Variants in PTPN2 observed in about 807,000 individuals in gnomAD.
The protein encoded by PTPN2 is protein tyrosine phosphatase non-receptor type 2.
In PTPN2, 19 loss-of-function variants were observed where a neutral mutation model predicts 57.3. That is an observed-to-expected ratio of 0.33 (90% CI 0.23 to 0.49). The LOEUF is 0.49. Ranked by LOEUF, PTPN2 falls within the 20% of genes least tolerant of loss-of-function variation. The pLI is 0.99. For missense variants in PTPN2, 358 were observed against 501.1 expected (o/e 0.71, Z 2.73); for synonymous variants, 153 against 164.9 (o/e 0.93, Z 0.55).
At chr18:12,873,918 G>GGA (rs1304397190) in intron 1 of PTPN2, among the ~76,000 whole-genome samples, 273 of 148,706 alleles carry the variant, frequency 1.8e-3, no homozygotes, top group African/African-American at 6.2e-3. Context: ...TGGGATGTGA[G>GGA]GAGCGCCTCT....
At chr18:12,812,897 C>G (rs2847288) in intron 7 of PTPN2, among the ~76,000 whole-genome samples, 111,472 of 151,810 alleles carry the variant, frequency 0.73, 42,650 homozygotes, top group South Asian at 0.91. Context: ...AAAAATCCTT[C>G]CTAGCCACAA....
rs1218303667 is a variant in PTPN2 at position 12,831,056 on chromosome 18, G to A, written c.262-15C>T. 2 of 1,554,726 alleles carry A rather than the reference G, an allele frequency of 1.3e-6. No homozygotes were observed. Among genetic ancestry groups the A allele is most frequent in the Non-Finnish European group, 1.8e-6 (2 of 1,127,322 alleles). ...GGAAGTGGACCCTGTGAAGAGAGAG[G>A]AGAGAGAGCAGATGAGGGAAGCAGA... is the stretch of plus-strand genomic sequence containing the variant. On this transcript the variant is annotated splice_polypyrimidine_tract_variant and intron_variant, in intron 3 of 8. Transcript: ENST00000309660.
At chr18:12,787,048 TTCAA>T (rs1231916660) in intron 9 of PTPN2, 1 of 152,218 alleles carries the variant, frequency 6.6e-6, no homozygotes, top group Admixed American at 6.5e-5. Context: ...AGCAACTCAA[TTCAA>T]TCAAAGTGAA....
chr18:12,874,245 G>C (rs1311355233), intron 1 of PTPN2, among the ~76,000 whole-genome samples: 1 of 149,070 alleles, frequency 6.7e-6, no homozygotes, highest in Non-Finnish European at 1.5e-5. Context: ...CCGTCCGGGA[G>C]GGAGGTGGGG....
In PTPN2 at chr18:12,835,382, C is replaced by CTTTTTTTTTTTTTTTTTTTTTT. The variant is rs60239177; in HGVS notation, c.261+1408_261+1409insAAAAAAAAAAAAAAAAAAAAAA. On this transcript the variant is annotated intron_variant, in intron 3 of 8. Transcript: ENST00000309660. ...CTGCAATGAACATGATCACATATGTCTTTTTTTTTTTTTTGGACAGTTTTG... is the reference window on the plus strand; with the variant it reads ...CTGCAATGAACATGATCACATATGTCTTTTTTTTTTTTTTTTTTTTTTTTTTTTTTTTTTTTGGACAGTTTTG... Among the ~76,000 whole-genome samples, 59 of 99,012 alleles carry CTTTTTTTTTTTTTTTTTTTTTT rather than the reference C, an allele frequency of 6.0e-4. 7 individuals are homozygous for CTTTTTTTTTTTTTTTTTTTTTT. The highest frequency in any genetic ancestry group is 2.3e-3 in the African/African-American group (55 of 23,904). The allele number at this position is 99,012 out of a possible 152,430, so 65.0% of individuals were successfully genotyped here.
chr18:12,854,329 C>T (rs977144483), intron 2 of PTPN2, among the ~76,000 whole-genome samples: 6 of 139,858 alleles, frequency 4.3e-5, no homozygotes, highest in Non-Finnish European at 9.1e-5. Flanking sequence ...CACTGCACTC[C>T]AGCCTGAGTG....
chr18:12,870,329 ATG>A (rs1306101471), intron 1 of PTPN2, among the ~76,000 whole-genome samples: 6 of 71,838 alleles, frequency 8.4e-5, no homozygotes, highest in African/African-American at 1.7e-4. Flanking sequence ...GTGTATATAT[ATG>A]TATATATATA....
chr18:12,793,379 A>G lies in PTPN2; in HGVS notation c.*899T>C, dbSNP rs1235149655. ...GCTTCTTACTTTTGCTTCCTAAATC[A>G]TAATCTACCCCAACTACATTGAAAT... On this transcript the variant is annotated 3_prime_UTR_variant, in exon 9 of 9. Coordinates refer to ENST00000309660, the MANE Select transcript of PTPN2 (RefSeq NM_002828.4). The G allele has an allele frequency of 1.0e-6, 1 of 978,970 alleles. No individual in the cohort carries two copies. The highest frequency in any genetic ancestry group is 1.2e-6 in the Non-Finnish European group (1 of 823,666). The allele number at this position is 978,970 out of a possible 1,614,324, so 60.6% of individuals were successfully genotyped here. A position where few individuals can be genotyped will look rare whatever the true frequency, so the allele number is the denominator to read the frequency against.
rs1049729709 is a variant in PTPN2, at chr18:12,794,081, C to T, written c.*197G>A. 6 of 1,425,348 alleles carry T rather than the reference C, an allele frequency of 4.2e-6. No homozygotes were observed. The highest frequency in any genetic ancestry group is 5.5e-6 in the Non-Finnish European group (6 of 1,096,168). 88.3% of individuals were successfully genotyped at this position (1,425,348 alleles called of 1,614,324 possible). Reference sequence around the variant, plus strand: ...TGTCTTTATTTTAGACAGCCATTTACAGTTTGGGGTTCAGAGGAACCTGCA... The same window carrying T: ...TGTCTTTATTTTAGACAGCCATTTATAGTTTGGGGTTCAGAGGAACCTGCA... On this transcript the variant is annotated 3_prime_UTR_variant, in exon 9 of 9. Coordinates refer to ENST00000309660, the MANE Select transcript of PTPN2 (RefSeq NM_002828.4).
At chr18:12,819,855 C>CTT (rs907289969) in intron 5 of PTPN2, among the ~76,000 whole-genome samples, 4 of 152,186 alleles carry the variant, frequency 2.6e-5, no homozygotes, top group African/African-American at 9.6e-5. Flanking sequence ...TCAAGTTTTC[C>CTT]TTTAAATGAG....
chr18:12,866,072 T>C (rs2043981135), intron 1 of PTPN2, among the ~76,000 whole-genome samples: 1 of 152,216 alleles, frequency 6.6e-6, no homozygotes. Context: ...TATAATGGAA[T>C]CTTACTAACT....
intron 1 of PTPN2, among the ~76,000 whole-genome samples, chr18:12,861,790 C>T (rs2043816644): frequency 1.3e-5 from 2 of 152,174 alleles, no homozygotes. Flanking sequence ...TTCTGTGATA[C>T]ACACACACCC....
intron 5 of PTPN2, chr18:12,819,087 T>A (rs1598781627): frequency 2.3e-5 from 9 of 387,004 alleles, no homozygotes; most frequent in East Asian, 4.3e-5. Context: ...AGAGCGAAAC[T>A]CCATCTCAAA....
intron 2 of PTPN2, among the ~76,000 whole-genome samples, chr18:12,841,581 A>G (rs1345734960): frequency 6.6e-6 from 1 of 152,260 alleles, no homozygotes; most frequent in African/African-American, 2.4e-5. Context: ...TACATTGTTT[A>G]GGAAACATTT....
In PTPN2 at chr18:12,793,868, C is replaced by T. The variant is rs1479851502; in HGVS notation, c.*410G>A. On this transcript the variant is annotated 3_prime_UTR_variant, in exon 9 of 9. Transcript: ENST00000309660. ...TACATTACACACATTATTTAAATGT[C>T]ATTTTCTTTCCAATAACGTAGATAA... The T allele has an allele frequency of 1.9e-6, 2 of 1,038,266 alleles. No individual in the cohort carries two copies. The highest frequency in any genetic ancestry group is 2.3e-6 in the Non-Finnish European group (2 of 859,456). The allele number at this position is 1,038,266 out of a possible 1,614,324, so 64.3% of individuals were successfully genotyped here.
chr18:12,807,586 A>AAAAAAAAAATATAT, intron 7 of PTPN2, among the ~76,000 whole-genome samples: 2 of 35,200 alleles, frequency 5.7e-5, no homozygotes, highest in African/African-American at 1.4e-4. Context: ...AAAAAAAAAA[A>AAAAAAAAAATATAT]ATATATATAT....
At chr18:12,790,390 A>G (rs1390787508), downstream of PTPN2, among the ~76,000 whole-genome samples, 1 of 152,182 alleles carries the variant, frequency 6.6e-6, no homozygotes, top group East Asian at 1.9e-4. Flanking sequence ...CTGGAACTAG[A>G]TATGTAATCT....
At chr18:12,827,660 T>G (rs2042524328) in intron 4 of PTPN2, among the ~76,000 whole-genome samples, 1 of 151,508 alleles carries the variant, frequency 6.6e-6, no homozygotes, top group East Asian at 1.9e-4. Flanking sequence ...GCTGGGATTA[T>G]AGGTGTAAGC....
intron 7 of PTPN2, among the ~76,000 whole-genome samples, chr18:12,803,362 C>T (rs891791297): frequency 1.3e-5 from 2 of 152,052 alleles, no homozygotes; most frequent in Non-Finnish European, 2.9e-5. Flanking sequence ...AAACAATTAA[C>T]AAAATGGCAG....
Sources: allele counts gnomAD v4.1 joint callset (sites outside exome capture counted in the v4.1 genomes callset), GRCh38; gene constraint gnomAD v4.1.1; transcripts MANE v1.5; gene names NCBI Gene and HGNC (gene_info 2026-07-23, HGNC 2026-07-21).